The following MAGI2 variants were observed in gnomAD, a reference collection of about 807,000 sequenced individuals.
MAGI2 encodes membrane associated guanylate kinase, WW and PDZ domain containing 2, also known as membrane-associated guanylate kinase, WW and PDZ domain-containing protein 2.
MAGI2 carries 35 observed loss-of-function variants against 133.3 expected under a neutral mutation model. The ratio of observed to expected loss-of-function variants is 0.26; its 90% CI spans 0.20 to 0.35. The LOEUF is 0.35. Among genes scored for constraint, MAGI2 ranks in the 10% least tolerant of loss-of-function variants. The pLI is 1.00. For synonymous variants in MAGI2, 729 were observed against 710.6 expected (o/e 1.03, Z -0.41); for missense variants, 1,636 against 1,863.4 (o/e 0.88, Z 2.25).
intron 3 of MAGI2, among the ~76,000 whole-genome samples, chr7:78,602,687 C>T (rs973590013): frequency 3.9e-5 from 6 of 152,048 alleles, no homozygotes; most frequent in Non-Finnish European, 5.9e-5. Context: ...TGGCCACATT[C>T]GCAAAGAGCC....
chr7:78,578,160 ATAGGTTAC>A (rs1802464585), intron 3 of MAGI2, among the ~76,000 whole-genome samples: 1 of 152,106 alleles, frequency 6.6e-6, no homozygotes, highest in Non-Finnish European at 1.5e-5. Context: ...ACATGTTTAT[ATAGGTTAC>A]TAATCTTTTA....
intron 2 of MAGI2, among the ~76,000 whole-genome samples, chr7:78,903,270 C>A (rs7792468): frequency 1.4e-5 from 2 of 145,090 alleles, no homozygotes; most frequent in African/African-American, 5.1e-5. Context: ...CTTGGCTCAC[C>A]GCAAGCTCCG....
chr7:79,258,887 T>C (rs192217199), intron 1 of MAGI2, among the ~76,000 whole-genome samples: 8 of 152,320 alleles, frequency 5.3e-5, no homozygotes, highest in Admixed American at 5.2e-4. Flanking sequence ...ATGAACAAAC[T>C]TTCAAAATGG....
intron 3 of MAGI2, chr7:78,617,953 T>C (rs1192099212): frequency 1.3e-5 from 2 of 152,016 alleles, no homozygotes; most frequent in East Asian, 3.8e-4. Flanking sequence ...ATTAGGAATA[T>C]AGAAGATATA....
chr7:78,994,771 C>A lies in MAGI2; in HGVS notation c.418+12319G>T, dbSNP rs141916063. On this transcript the variant is annotated intron_variant, in intron 2 of 21. Coordinates refer to ENST00000354212, the MANE Select transcript of MAGI2 (RefSeq NM_012301.4). ...GAACCACAACACATTTCTCAGAGGA[C>A]TAAAAAATGCAATGACATGATAATA... 1.7e-3 allele frequency among the ~76,000 whole-genome samples: 259 copies of A among 152,136 alleles called. 1 individual carries two copies. Among genetic ancestry groups the A allele is most frequent in the African/African-American group, 6.1e-3 (254 of 41,522 alleles).
intron 10 of MAGI2, among the ~76,000 whole-genome samples, chr7:78,232,164 T>C (rs924988228): frequency 2.0e-5 from 3 of 152,174 alleles, no homozygotes; most frequent in East Asian, 3.9e-4. Context: ...ATTAATTTAA[T>C]AGTCTTTTCT....
At chr7:78,835,539 T>C (rs7794352) in intron 2 of MAGI2, among the ~76,000 whole-genome samples, 58,376 of 151,982 alleles carry the variant, frequency 0.38, 11,594 homozygotes, top group East Asian at 0.71. Flanking sequence ...GAATCTCCTA[T>C]CTGTGAGAAG....
Position 78,687,451 on chromosome 7 carries a change from G to T in MAGI2, c.419-60212C>A, listed in dbSNP as rs945375003. Among the ~76,000 whole-genome samples the T allele has an allele frequency of 2.0e-5, 3 of 152,112 alleles. No individual in the cohort carries two copies. In the East Asian group the frequency reaches 5.8e-4, roughly 29 times the overall value. On this transcript the variant is annotated intron_variant, in intron 2 of 21. Transcript: ENST00000354212. Reference sequence around the variant, plus strand: ...AATTCCTAAAAATTGGAAATGCTAGGCATAATTTTTAAACATGTAGAGCAT... The same window carrying T: ...AATTCCTAAAAATTGGAAATGCTAGTCATAATTTTTAAACATGTAGAGCAT...
At chr7:78,752,783 C>G (rs1227217537) in intron 2 of MAGI2, among the ~76,000 whole-genome samples, 1 of 152,202 alleles carries the variant, frequency 6.6e-6, no homozygotes, top group Non-Finnish European at 1.5e-5. Context: ...CTCCTTTTCT[C>G]TTTCTTGTCT....
chr7:78,438,831 A>G (rs1787317723), intron 6 of MAGI2, among the ~76,000 whole-genome samples: 1 of 152,162 alleles, frequency 6.6e-6, no homozygotes, highest in Admixed American at 6.5e-5. Flanking sequence ...AAGAGCAGGA[A>G]ATGGGAAAAT....
At chr7:79,362,974 A>T (rs889138486) in intron 1 of MAGI2, among the ~76,000 whole-genome samples, 1 of 151,778 alleles carries the variant, frequency 6.6e-6, no homozygotes, top group Non-Finnish European at 1.5e-5. Context: ...CAAAAGGAAC[A>T]AAAGGCATAG....
rs896429607 is a variant in MAGI2 at position 79,068,315 on chromosome 7, T to C, written c.302-61109A>G. ...TTGGTCTATTCAGGGATTCAACGTC[T>C]TCCTGGTTTAGACTTGGGAGGCTGT... On this transcript the variant is annotated intron_variant, in intron 1 of 21. Transcript: ENST00000354212. Among the ~76,000 whole-genome samples the C allele has an allele frequency of 2.0e-5, 3 of 152,236 alleles. No individual in the cohort carries two copies. In the East Asian group the frequency reaches 5.8e-4, roughly 29 times the overall value.
In MAGI2 at chr7:78,194,943, C is replaced by T; in HGVS notation, c.2200G>A (p.Ala734Thr). 1 of 1,614,044 alleles carries T rather than the reference C, an allele frequency of 6.2e-7. No individual in the cohort carries two copies. Among genetic ancestry groups the T allele is most frequent in the Non-Finnish European group, 8.5e-7 (1 of 1,179,982 alleles). ...HRSSFPDSTE[A>T]FDPRKPDPYE... ...GGATCAGGCTTCCGTGGGTCAAAGG[C>T]CTCTGTTGAGTCAGGAAAGGAGCTC... Residue 734 changes from alanine (A) to threonine (T), a missense_variant, in exon 12 of 22, where the codon GCC becomes ACC. By Grantham distance (58) the Ala-to-Thr change is moderately conservative. This residue lies in a region of MAGI2 where 920 missense variants were observed against 1,093.5 expected (regional missense o/e 0.84). Transcript: ENST00000354212.
At chr7:79,405,550 TTACTC>T (rs1344236677) in intron 1 of MAGI2, among the ~76,000 whole-genome samples, 4 of 152,230 alleles carry the variant, frequency 2.6e-5, no homozygotes, top group African/African-American at 9.6e-5. Flanking sequence ...ACTCCACTGT[TTACTC>T]TACAGTCCAT....
At position 78,455,369 on chromosome 7, in the gene MAGI2, C is replaced by T. The variant is rs142410644; in HGVS notation, c.1045+34392G>A. On this transcript the variant is annotated intron_variant, in intron 6 of 21. Coordinates refer to ENST00000354212, the MANE Select transcript of MAGI2 (RefSeq NM_012301.4). ...AGAAATATTGATTCTGTCATTTTAT[C>T]CTATTAATAGTTATTTCTAGCTCTG... is the stretch of plus-strand genomic sequence containing the variant. Among the ~76,000 whole-genome samples the T allele has an allele frequency of 1.3e-3, 191 of 152,062 alleles. 1 individual carries two copies. Among genetic ancestry groups the T allele is most frequent in the African/African-American group, 4.2e-3 (175 of 41,484 alleles).
rs747265863 is a variant in MAGI2, at chr7:79,453,012, G to A, written c.301+8C>T. 4 of 1,564,282 alleles carry A rather than the reference G, an allele frequency of 2.6e-6. No individual in the cohort carries two copies. In the Admixed American group the frequency reaches 7.0e-5, roughly 28 times the overall value. On this transcript the variant is annotated splice_region_variant and intron_variant, in intron 1 of 21. Coordinates refer to ENST00000354212, the MANE Select transcript of MAGI2 (RefSeq NM_012301.4). ...CCGGCAAAACACTGAGCAAGCCGCTGCTCTCACCTTGCTTGACACACTTGA... is the reference window on the plus strand; with the variant it reads ...CCGGCAAAACACTGAGCAAGCCGCTACTCTCACCTTGCTTGACACACTTGA...
intron 1 of MAGI2, among the ~76,000 whole-genome samples, chr7:79,372,159 C>G (rs1843089665): frequency 6.6e-6 from 1 of 151,982 alleles, no homozygotes; most frequent in African/African-American, 2.4e-5. Flanking sequence ...ATTAGCAGAC[C>G]AACGCATGGG....
chr7:78,373,622 G>A (rs1794151759), intron 6 of MAGI2, among the ~76,000 whole-genome samples: 1 of 152,074 alleles, frequency 6.6e-6, no homozygotes, highest in South Asian at 2.1e-4. Context: ...GAGTTTCAGT[G>A]GGGTGCATGT....
intron 1 of MAGI2, among the ~76,000 whole-genome samples, chr7:79,331,224 G>T (rs1284255236): frequency 1.3e-5 from 2 of 152,126 alleles, no homozygotes; most frequent in African/African-American, 4.8e-5. Context: ...TTGTGGTCCA[G>T]CTAAAGTTAT....
Sources: allele counts gnomAD v4.1 joint callset (sites outside exome capture counted in the v4.1 genomes callset), GRCh38; gene constraint gnomAD v4.1.1; regional missense constraint gnomAD v4.1.1; transcripts MANE v1.5; gene names NCBI Gene and HGNC (gene_info 2026-07-23, HGNC 2026-07-21).